Variants in DYSF observed in about 807,000 individuals in gnomAD.
The protein encoded by DYSF is dysferlin, also known as dystrophy-associated fer-1-like 1.
DYSF carries 212 observed loss-of-function variants against 274.9 expected under a neutral mutation model. The ratio of observed to expected loss-of-function variants is 0.77; its 90% CI spans 0.69 to 0.86. DYSF has a LOEUF of 0.86. Ranked by LOEUF, DYSF falls within the 40% of genes least tolerant of loss-of-function variation. DYSF has a pLI of 0.00. For synonymous variants in DYSF, 1,091 were observed against 1,078.7 expected (o/e 1.01, Z -0.22); for missense variants, 2,666 against 2,783.2 (o/e 0.96, Z 0.95).
In DYSF at chr2:71,555,994, C is replaced by T. The variant is rs2091309027; in HGVS notation, c.2139C>T (p.Ala713=). 1 of 1,570,670 alleles carries T rather than the reference C, an allele frequency of 6.4e-7. No individual in the cohort carries two copies. Among genetic ancestry groups the T allele is most frequent in the East Asian group, 2.3e-5 (1 of 43,272 alleles). ...LEAGLEQVHL[A]LKAQCSTEDV... ...CTGGCCTGGAGCAGGTCCACCTGGC[C>T]CTGAAGGCGCAGTGCTCCACGGAGG... is the stretch of plus-strand genomic sequence containing the variant. The change falls in exon 22 of 56, where the codon GCC becomes GCT. Residue 713 remains alanine (A), a synonymous_variant. Transcript: ENST00000410020.
At position 71,481,971 on chromosome 2, in the gene DYSF, G is replaced by T; in HGVS notation, c.239+1G>T. On this transcript the variant is annotated splice_donor_variant, in intron 3 of 55. Transcript: ENST00000410020. LOFTEE classifies it high-confidence loss of function. ...ACCATGAGACGATGGGGAGGAACAG[G>T]TAAGGTGGCCAGAGGGGGGTGCTCC... 6.2e-7 allele frequency: 1 copy of T among 1,613,796 alleles called. No homozygotes were observed. Among genetic ancestry groups the T allele is most frequent in the Non-Finnish European group, 8.5e-7 (1 of 1,179,844 alleles).
intron 41 of DYSF, among the ~76,000 whole-genome samples, chr2:71,626,967 T>C (rs2094217776): frequency 6.6e-6 from 1 of 151,706 alleles, no homozygotes; most frequent in South Asian, 2.1e-4. Context: ...TTTTTTATGA[T>C]CTCTTAATTT....
At chr2:71,506,662 G>A (rs2085507931) in intron 4 of DYSF, among the ~76,000 whole-genome samples, 1 of 152,216 alleles carries the variant, frequency 6.6e-6, no homozygotes, top group Non-Finnish European at 1.5e-5. Flanking sequence ...GAAGGAGACA[G>A]GGGTTGAGCT....
At chr2:71,475,513 A>G (rs2082336504) in intron 1 of DYSF, among the ~76,000 whole-genome samples, 1 of 152,092 alleles carries the variant, frequency 6.6e-6, no homozygotes, top group Non-Finnish European at 1.5e-5. Context: ...GAGATCAGCT[A>G]CCTCTTTTGG....
At chr2:71,669,066 C>T (rs781212884) in intron 49 of DYSF, 46 bp from the exon 50 acceptor site, 6 of 1,519,712 alleles carry the variant, frequency 3.9e-6, no homozygotes, top group Non-Finnish European at 5.4e-6. Context: ...GCCTTCCCAT[C>T]CTTTGGTAGG....
chr2:71,488,121 A>T (rs910508502), intron 3 of DYSF, among the ~76,000 whole-genome samples: 1 of 152,162 alleles, frequency 6.6e-6, no homozygotes, highest in African/African-American at 2.4e-5. Flanking sequence ...AAAAAAAATT[A>T]AAAATCTGTG....
At chr2:71,570,111 G>T (rs1574057620) in intron 27 of DYSF, 118 bp from the exon 28 acceptor site, 1 of 1,109,696 alleles carries the variant, frequency 9.0e-7, no homozygotes, top group East Asian at 2.4e-5. Context: ...TGACTCTGGG[G>T]CTCTGCCCTT....
intron 54 of DYSF, 46 bp downstream of exon 54, chr2:71,681,156 A>G (rs2095291669): frequency 7.0e-6 from 11 of 1,565,432 alleles, no homozygotes; most frequent in African/African-American, 1.3e-5. Context: ...GTCTGGGGGT[A>G]TAGGCCACAG....
chr2:71,477,043 C>T (rs2082447145), intron 1 of DYSF, among the ~76,000 whole-genome samples: 1 of 152,076 alleles, frequency 6.6e-6, no homozygotes. Flanking sequence ...GAAGTAACTT[C>T]CAGCTTCCCA....
intron 22 of DYSF, among the ~76,000 whole-genome samples, chr2:71,561,439 G>C (rs371298066): frequency 3.9e-5 from 6 of 152,166 alleles, no homozygotes; most frequent in African/African-American, 1.4e-4. Flanking sequence ...GGGGCAGAGG[G>C]GAACACACAT....
intron 46 of DYSF, 56 bp from the exon 47 acceptor site, chr2:71,665,106 C>G: frequency 6.2e-7 from 1 of 1,610,464 alleles, no homozygotes; most frequent in Admixed American, 1.7e-5. Flanking sequence ...GCATGCCCCT[C>G]TACCCTCATG....
chr2:71,555,917 CCTCTGCCCTGTG>C, intron 21 of DYSF, 36 bp from the exon 22 acceptor site: 1 of 1,469,428 alleles, frequency 6.8e-7, no homozygotes, highest in Non-Finnish European at 9.3e-7. Context: ...CAGCATGCAC[CCTCTGCCCTGTG>C]GTGACACACC....
intron 51 of DYSF, 150 bp from the exon 52 acceptor site, chr2:71,674,047 C>T: frequency 1.4e-6 from 1 of 725,788 alleles, no homozygotes; most frequent in Non-Finnish European, 2.5e-6. Flanking sequence ...TCTGTCCTTC[C>T]CAGTCTTCCC....
chr2:71,499,983 G>C (rs772784565), intron 3 of DYSF, among the ~76,000 whole-genome samples: 4 of 152,170 alleles, frequency 2.6e-5, no homozygotes, highest in Non-Finnish European at 5.9e-5. Flanking sequence ...AATCCTGTCT[G>C]CCACTTGCCA....
chr2:71,662,603 CTGTG>C (rs535532605), intron 45 of DYSF, among the ~76,000 whole-genome samples: 3 of 139,562 alleles, frequency 2.1e-5, no homozygotes, highest in Non-Finnish European at 3.1e-5. Context: ...GTGTATGCGT[CTGTG>C]TGTGTCTGTG....
chr2:71,462,179 GA>G (rs2081309465), upstream of DYSF, among the ~76,000 whole-genome samples: 1 of 152,228 alleles, frequency 6.6e-6, no homozygotes, highest in East Asian at 1.9e-4. Flanking sequence ...GCCAGGCACT[GA>G]ACAGCAAGGG....
chr2:71,539,243 T>A lies in DYSF; in HGVS notation c.1576+4T>A, dbSNP rs1276931027. On this transcript the variant is annotated splice_donor_region_variant and intron_variant, in intron 17 of 55. Transcript: ENST00000410020. Reference sequence around the variant, plus strand: ...GCCCCTGGAGGAGAAATAGAAGGTATGTTCCCTCTTCGTTCTGCCCTTTGA... The same window carrying A: ...GCCCCTGGAGGAGAAATAGAAGGTAAGTTCCCTCTTCGTTCTGCCCTTTGA... The A allele has an allele frequency of 9.9e-6, 16 of 1,613,332 alleles. 1 individual carries two copies. Among genetic ancestry groups the A allele is most frequent in the Non-Finnish European group, 1.3e-5 (15 of 1,179,398 alleles).
Position 71,662,075 on chromosome 2 carries a change from C to T in DYSF, c.5003+1424C>T, listed in dbSNP as rs954196372. 2.6e-5 allele frequency among the ~76,000 whole-genome samples: 4 copies of T among 152,164 alleles called. No individual in the cohort carries two copies. In the South Asian group the frequency reaches 6.2e-4, roughly 24 times the overall value. The stretch of plus-strand genomic sequence containing the variant: ...AGGGGAGCCAGTGCAGGAACACACC[C>T]CTCCCATGCCTGTTTCCCCATCTCC... On this transcript the variant is annotated intron_variant, in intron 45 of 55. Transcript: ENST00000410020.
At chr2:71,536,799 A>T (rs2089389242) in intron 16 of DYSF, among the ~76,000 whole-genome samples, 1 of 152,210 alleles carries the variant, frequency 6.6e-6, no homozygotes, top group African/African-American at 2.4e-5. Flanking sequence ...GCCAGAAAGC[A>T]TTCTGCTGCT....
Sources: allele counts gnomAD v4.1 joint callset (sites outside exome capture counted in the v4.1 genomes callset), GRCh38; gene constraint gnomAD v4.1.1; transcripts MANE v1.5; gene names NCBI Gene and HGNC (gene_info 2026-07-23, HGNC 2026-07-21).